The following UBE2E2 variants were observed in gnomAD, a reference collection of about 807,000 sequenced individuals.
UBE2E2 encodes the protein ubiquitin conjugating enzyme E2 E2.
In UBE2E2, 6 loss-of-function variants were observed where a neutral mutation model predicts 24.7. That is an observed-to-expected ratio of 0.24 (90% CI 0.13 to 0.48). The LOEUF (loss-of-function observed/expected upper bound fraction) is 0.48. Ranked by LOEUF, UBE2E2 falls within the 20% of genes least tolerant of loss-of-function variation. UBE2E2 has a pLI of 0.99. For missense variants in UBE2E2, 169 were observed against 245.0 expected (o/e 0.69, Z 2.07); for synonymous variants, 104 against 83.6 (o/e 1.24, Z -1.33).
chr3:23,225,708 G>A (rs73033550), intron 3 of UBE2E2, among the ~76,000 whole-genome samples: 5 of 152,024 alleles, frequency 3.3e-5, no homozygotes, highest in Non-Finnish European at 7.4e-5. Flanking sequence ...GTTTTACTGA[G>A]TTTTAAATCA....
chr3:23,399,875 T>C (rs2125369770), intron 3 of UBE2E2, among the ~76,000 whole-genome samples: 2 of 152,332 alleles, frequency 1.3e-5, no homozygotes, highest in Middle Eastern at 6.8e-3. Flanking sequence ...AAACAGTTGA[T>C]GTCAGACTCT....
chr3:23,458,428 T>TGGTGGTGGTGGTGGTGG (rs76760747), intron 3 of UBE2E2, among the ~76,000 whole-genome samples: 3 of 147,990 alleles, frequency 2.0e-5, no homozygotes, highest in African/African-American at 7.8e-5. Flanking sequence ...GTGGTGGTGG[T>TGGTGGTGGTGGTGGTGG]TGTTGTTGTT....
intron 5 of UBE2E2, among the ~76,000 whole-genome samples, chr3:23,552,065 C>T (rs1261758591): frequency 6.6e-6 from 1 of 152,204 alleles, no homozygotes; most frequent in Non-Finnish European, 1.5e-5. Flanking sequence ...TCAGAAACCA[C>T]ATCAGCCAGC....
intron 3 of UBE2E2, among the ~76,000 whole-genome samples, chr3:23,278,118 C>A (rs1698409570): frequency 6.6e-6 from 1 of 151,974 alleles, no homozygotes; most frequent in Non-Finnish European, 1.5e-5. Flanking sequence ...CAATTGTTAC[C>A]TTCTGGGAAA....
At chr3:23,432,623 G>T (rs1359380561) in intron 3 of UBE2E2, among the ~76,000 whole-genome samples, 1 of 151,854 alleles carries the variant, frequency 6.6e-6, no homozygotes, top group Non-Finnish European at 1.5e-5. Context: ...CATTAGTTGA[G>T]AAGGATGCTT....
chr3:23,356,988 A>C (rs954346125), intron 3 of UBE2E2, among the ~76,000 whole-genome samples: 11 of 152,224 alleles, frequency 7.2e-5, no homozygotes, highest in African/African-American at 2.7e-4. Context: ...TTGGTAGTTT[A>C]GCAATCCAGA....
intron 3 of UBE2E2, among the ~76,000 whole-genome samples, chr3:23,262,114 A>G (rs559639238): frequency 1.7e-4 from 26 of 152,124 alleles, no homozygotes; most frequent in Non-Finnish European, 3.4e-4. Flanking sequence ...CCTTTTCTCC[A>G]CATCCTCACC....
At chr3:23,507,485 A>C (rs1227229203) in intron 4 of UBE2E2, among the ~76,000 whole-genome samples, 1 of 152,228 alleles carries the variant, frequency 6.6e-6, no homozygotes, top group Non-Finnish European at 1.5e-5. Flanking sequence ...AGTCAATAAA[A>C]ATTTGTTGAA....
chr3:23,573,415 TAAAGGACAAATCATATA>T (rs1236762909), intron 5 of UBE2E2, among the ~76,000 whole-genome samples: 2 of 152,152 alleles, frequency 1.3e-5, no homozygotes, highest in Admixed American at 6.6e-5. Context: ...TAAGCTAGGT[TAAAGGACAAATCATATA>T]CTGGGAGAAA....
chr3:23,544,646 A>T (rs1459688632), intron 5 of UBE2E2, among the ~76,000 whole-genome samples: 4 of 151,830 alleles, frequency 2.6e-5, no homozygotes, highest in African/African-American at 9.7e-5. Flanking sequence ...GATTTCTCAA[A>T]GAACTACAAG....
intron 3 of UBE2E2, among the ~76,000 whole-genome samples, chr3:23,475,761 G>A (rs1446822188): frequency 6.6e-6 from 1 of 151,982 alleles, no homozygotes; most frequent in East Asian, 1.9e-4. Context: ...TATACCACAG[G>A]GAAAGGGTTT....
intron 4 of UBE2E2, among the ~76,000 whole-genome samples, chr3:23,521,344 A>G (rs1267656532): frequency 6.6e-6 from 1 of 152,196 alleles, no homozygotes; most frequent in Non-Finnish European, 1.5e-5. Context: ...TCAGTCATTT[A>G]TTACATGCTT....
chr3:23,568,901 A>G (rs1053852130), intron 5 of UBE2E2, among the ~76,000 whole-genome samples: 3 of 151,972 alleles, frequency 2.0e-5, no homozygotes, highest in African/African-American at 7.2e-5. Flanking sequence ...AAAATGGTGC[A>G]TCTGCCTTGG....
At chr3:23,459,500 C>T (rs1329020380) in intron 3 of UBE2E2, among the ~76,000 whole-genome samples, 5 of 152,122 alleles carry the variant, frequency 3.3e-5, no homozygotes, top group African/African-American at 1.2e-4. Context: ...GTAACAGGAC[C>T]ATAATGTTTT....
intron 3 of UBE2E2, among the ~76,000 whole-genome samples, chr3:23,497,027 AAG>A (rs1255357017): frequency 1.3e-5 from 2 of 152,218 alleles, no homozygotes; most frequent in Non-Finnish European, 2.9e-5. Context: ...AGCTAGAAAA[AAG>A]AAAATATTAA....
chr3:23,264,463 A>G (rs534654123), intron 3 of UBE2E2, among the ~76,000 whole-genome samples: 3 of 152,270 alleles, frequency 2.0e-5, no homozygotes, highest in Admixed American at 2.0e-4. Context: ...TGCGAGCCAC[A>G]AAAGGAGTCT....
At chr3:23,404,030 A>T (rs999255418) in intron 3 of UBE2E2, among the ~76,000 whole-genome samples, 3 of 152,112 alleles carry the variant, frequency 2.0e-5, no homozygotes, top group Non-Finnish European at 4.4e-5. Context: ...ATGAGCAGGA[A>T]CTGTATGCAA....
chr3:23,235,103 G>T (rs1352270947), intron 3 of UBE2E2, among the ~76,000 whole-genome samples: 1 of 152,200 alleles, frequency 6.6e-6, no homozygotes, highest in Non-Finnish European at 1.5e-5. Context: ...GGCATCTCCA[G>T]CCTTTGTAGA....
chr3:23,261,557 A>G (rs1378264364), intron 3 of UBE2E2, among the ~76,000 whole-genome samples: 1 of 152,186 alleles, frequency 6.6e-6, no homozygotes, highest in African/African-American at 2.4e-5. Flanking sequence ...TATGCTGTAC[A>G]TTAGATTTCC....
Sources: allele counts gnomAD v4.1 joint callset (sites outside exome capture counted in the v4.1 genomes callset), GRCh38; gene constraint gnomAD v4.1.1; transcripts MANE v1.5; gene names NCBI Gene and HGNC (gene_info 2026-07-23, HGNC 2026-07-21).